The following EYS variants were observed in gnomAD, a reference collection of about 807,000 sequenced individuals.
EYS encodes protein eyes shut homolog.
A neutral mutation model predicts 282.1 loss-of-function variants in EYS; 250 were observed. That is an observed-to-expected ratio of 0.89 (90% confidence interval 0.80 to 0.98). The LOEUF (loss-of-function observed/expected upper bound fraction) is 0.98, where lower values mean the gene tolerates loss of function less well. Ranked by LOEUF, EYS falls within the 50% of genes least tolerant of loss-of-function variation. The pLI is 0.00. For missense variants in EYS, 4,016 were observed against 3,709.0 expected (o/e 1.08, Z -2.15); for synonymous variants, 1,355 against 1,282.9 (o/e 1.06, Z -1.20).
chr6:65,527,943 C>T (rs955389576), intron 2 of EYS, among the ~76,000 whole-genome samples: 5 of 152,094 alleles, frequency 3.3e-5, no homozygotes, highest in African/African-American at 1.2e-4. Flanking sequence ...AATAGGCTCA[C>T]GACTATTGGA....
chr6:64,070,692 A>G (rs1562184906), intron 32 of EYS, among the ~76,000 whole-genome samples: 1 of 152,162 alleles, frequency 6.6e-6, no homozygotes, highest in South Asian at 2.1e-4. Context: ...TGTACTTCCA[A>G]TGTTACAGAA....
At chr6:64,165,300 T>C (rs1372964449) in intron 31 of EYS, among the ~76,000 whole-genome samples, 1 of 152,122 alleles carries the variant, frequency 6.6e-6, no homozygotes, top group Non-Finnish European at 1.5e-5. Flanking sequence ...AATTGCAGTA[T>C]AGTATAGTAA....
chr6:63,919,596 C>T (rs922676605), intron 35 of EYS, among the ~76,000 whole-genome samples: 3 of 152,158 alleles, frequency 2.0e-5, no homozygotes, highest in Admixed American at 6.5e-5. Flanking sequence ...ATCTCCCAGG[C>T]CAGCTCTTCT....
chr6:63,984,322 T>C, intron 35 of EYS, 61 bp downstream of exon 35: 1 of 1,231,028 alleles, frequency 8.1e-7, no homozygotes, highest in South Asian at 1.3e-5. Flanking sequence ...TGCTGGCTTT[T>C]GTTGTTTTAA....
At chr6:65,309,436 A>T (rs1769097157) in intron 11 of EYS, among the ~76,000 whole-genome samples, 2 of 152,200 alleles carry the variant, frequency 1.3e-5, no homozygotes, top group Admixed American at 6.5e-5. Flanking sequence ...GGGGCCTGAT[A>T]GACTTGTCAT....
chr6:65,275,080 A>T (rs1386320238), intron 12 of EYS, among the ~76,000 whole-genome samples: 1 of 152,170 alleles, frequency 6.6e-6, no homozygotes, highest in Non-Finnish European at 1.5e-5. Context: ...TTGCTGTGCA[A>T]GCTACTCTGT....
chr6:64,164,417 A>G (rs1215072964), intron 31 of EYS, among the ~76,000 whole-genome samples: 1 of 152,140 alleles, frequency 6.6e-6, no homozygotes, highest in East Asian at 1.9e-4. Context: ...ATTTGTTGAA[A>G]AAGAACACTT....
At chr6:64,389,352 T>C (rs1440831626) in intron 28 of EYS, among the ~76,000 whole-genome samples, 1 of 152,152 alleles carries the variant, frequency 6.6e-6, no homozygotes, top group Non-Finnish European at 1.5e-5. Flanking sequence ...ATTAGGGAGA[T>C]CAGAGTAATA....
At chr6:64,641,687 T>C (rs1768157097) in intron 22 of EYS, among the ~76,000 whole-genome samples, 1 of 152,178 alleles carries the variant, frequency 6.6e-6, no homozygotes, top group Admixed American at 6.5e-5. Flanking sequence ...GGCTGGGGAC[T>C]GGTACAGGTC....
chr6:64,941,336 T>C (rs946930243), intron 15 of EYS, among the ~76,000 whole-genome samples: 10 of 151,898 alleles, frequency 6.6e-5, no homozygotes, highest in African/African-American at 2.2e-4. Context: ...GCCAAGATCA[T>C]GCCACTGCAC....
intron 22 of EYS, among the ~76,000 whole-genome samples, chr6:64,746,321 G>T (rs982540240): frequency 6.6e-5 from 10 of 151,852 alleles, no homozygotes; most frequent in Non-Finnish European, 1.5e-4. Context: ...CTTATGAAAA[G>T]AAGAGTTTGT....
intron 23 of EYS, among the ~76,000 whole-genome samples, chr6:64,618,968 A>G (rs918342761): frequency 9.2e-5 from 14 of 152,222 alleles, no homozygotes; most frequent in African/African-American, 3.1e-4. Flanking sequence ...AAATGCTCTT[A>G]TAAAATTCGA....
At chr6:64,389,528 C>T (rs1773030593) in intron 28 of EYS, among the ~76,000 whole-genome samples, 1 of 152,184 alleles carries the variant, frequency 6.6e-6, no homozygotes, top group South Asian at 2.1e-4. Flanking sequence ...CCTGTCATCT[C>T]TAAGTAAATA....
At chr6:65,659,233 T>C (rs536590829) in intron 1 of EYS, among the ~76,000 whole-genome samples, 1 of 151,886 alleles carries the variant, frequency 6.6e-6, no homozygotes, top group East Asian at 1.9e-4. Context: ...AAACAACCTA[T>C]ATAATATTCA....
intron 33 of EYS, among the ~76,000 whole-genome samples, chr6:64,050,452 ATAG>A (rs1770773085): frequency 6.6e-6 from 1 of 152,192 alleles, no homozygotes; most frequent in Non-Finnish European, 1.5e-5. Flanking sequence ...TACCTGACTC[ATAG>A]TAGACTCCTA....
chr6:65,645,888 A>G (rs1353464996), intron 1 of EYS, among the ~76,000 whole-genome samples: 3 of 152,130 alleles, frequency 2.0e-5, no homozygotes, highest in Non-Finnish European at 4.4e-5. Context: ...ATTCAAGTCT[A>G]CTACGAACAC....
At chr6:64,384,338 A>G (rs1052487689) in intron 29 of EYS, among the ~76,000 whole-genome samples, 1 of 152,174 alleles carries the variant, frequency 6.6e-6, no homozygotes, top group Admixed American at 6.6e-5. Flanking sequence ...AATTAAGATA[A>G]TGTTTACATT....
At chr6:63,870,043 A>G (rs1034454812) in intron 35 of EYS, among the ~76,000 whole-genome samples, 2 of 152,160 alleles carry the variant, frequency 1.3e-5, no homozygotes, top group Admixed American at 6.6e-5. Context: ...GGTAAGGGCA[A>G]TCTGGGCAGG....
intron 1 of EYS, among the ~76,000 whole-genome samples, chr6:65,687,252 C>A (rs947116781): frequency 6.6e-6 from 1 of 151,864 alleles, no homozygotes; most frequent in Non-Finnish European, 1.5e-5. Context: ...AAATTACATA[C>A]TAAAAATGCA....
Sources: allele counts gnomAD v4.1 joint callset (sites outside exome capture counted in the v4.1 genomes callset), GRCh38; gene constraint gnomAD v4.1.1; transcripts MANE v1.5; gene names NCBI Gene and HGNC (gene_info 2026-07-23, HGNC 2026-07-21).